The following PTPRG variants were observed in gnomAD, a reference collection of about 807,000 sequenced individuals.
The protein encoded by PTPRG is protein tyrosine phosphatase receptor type G, also known as receptor-type tyrosine-protein phosphatase gamma.
A neutral mutation model predicts 165.3 loss-of-function variants in PTPRG; 102 were observed. The ratio of observed to expected loss-of-function variants is 0.62; its 90% CI spans 0.53 to 0.73. The LOEUF (loss-of-function observed/expected upper bound fraction) is 0.73. Ranked by LOEUF, PTPRG falls within the 30% of genes least tolerant of loss-of-function variation. The pLI is 0.00. For missense variants in PTPRG, 1,866 were observed against 1,861.4 expected (o/e 1.00, Z -0.05); for synonymous variants, 675 against 669.5 (o/e 1.01, Z -0.13).
At chr3:62,292,350 C>T (rs969867341) in intron 28 of PTPRG, 71 bp from the exon 29 acceptor site, 11 of 1,452,702 alleles carry the variant, frequency 7.6e-6, no homozygotes, top group South Asian at 2.6e-5. Flanking sequence ...AAATACATGA[C>T]AGTAATTTCA....
intron 2 of PTPRG, among the ~76,000 whole-genome samples, chr3:61,808,790 C>T (rs1028452539): frequency 7.2e-5 from 11 of 151,892 alleles, no homozygotes; most frequent in Non-Finnish European, 1.5e-4. Context: ...AACCCATCCC[C>T]GTTGTTCAAA....
chr3:62,243,919 A>T, intron 15 of PTPRG, 21 bp downstream of exon 15: 1 of 1,324,896 alleles, frequency 7.5e-7, no homozygotes. Flanking sequence ...CACTGCTCTT[A>T]TTTCCAATGG....
At chr3:62,231,006 A>G (rs1386602616) in intron 13 of PTPRG, among the ~76,000 whole-genome samples, 1 of 152,216 alleles carries the variant, frequency 6.6e-6, no homozygotes, top group Non-Finnish European at 1.5e-5. Context: ...ATGACTTAAA[A>G]GAGTAAAGTT....
At chr3:62,147,864 G>C (rs1202388599) in intron 6 of PTPRG, among the ~76,000 whole-genome samples, 1 of 152,174 alleles carries the variant, frequency 6.6e-6, no homozygotes, top group Admixed American at 6.5e-5. Flanking sequence ...GATGCAGAAA[G>C]TTAATAACAA....
intron 2 of PTPRG, among the ~76,000 whole-genome samples, chr3:61,923,228 CATT>C (rs2039122757): frequency 6.6e-6 from 1 of 152,102 alleles, no homozygotes; most frequent in Non-Finnish European, 1.5e-5. Context: ...CAAAATTAAT[CATT>C]ATTTTGCACG....
chr3:62,099,885 G>A (rs949633329), intron 5 of PTPRG, among the ~76,000 whole-genome samples: 1 of 135,742 alleles, frequency 7.4e-6, no homozygotes, highest in Non-Finnish European at 1.5e-5. Flanking sequence ...CACAGCCTCC[G>A]CCTCCCAGGT....
At chr3:61,993,171 C>T (rs1264002080) in intron 3 of PTPRG, among the ~76,000 whole-genome samples, 1 of 151,176 alleles carries the variant, frequency 6.6e-6, no homozygotes, top group African/African-American at 2.4e-5. Flanking sequence ...TTTTAAGAAA[C>T]CACCTGTCAC....
chr3:61,838,772 A>G lies in PTPRG; in HGVS notation c.190+89790A>G, dbSNP rs1028892043. Among the ~76,000 whole-genome samples, 4 of 152,202 alleles carry G rather than the reference A, an allele frequency of 2.6e-5. No individual in the cohort carries two copies. The East Asian group carries it at 7.7e-4, about 29-fold the overall frequency. ...ACTCTCCCTGAGCTTTTTCTTCTTC[A>G]TTTGCTTTCTCTTGCTAAAACTGTC... On this transcript the variant is annotated intron_variant, in intron 2 of 29. Coordinates refer to ENST00000474889, the MANE Select transcript of PTPRG (RefSeq NM_002841.4).
intron 1 of PTPRG, among the ~76,000 whole-genome samples, chr3:61,678,994 A>T (rs1025485295): frequency 4.6e-5 from 7 of 151,906 alleles, no homozygotes; most frequent in African/African-American, 1.7e-4. Context: ...TTAAGTGACG[A>T]CAGTCATCCT....
At chr3:62,253,273 G>A (rs1228706321) in intron 15 of PTPRG, among the ~76,000 whole-genome samples, 1 of 152,024 alleles carries the variant, frequency 6.6e-6, no homozygotes, top group Non-Finnish European at 1.5e-5. Context: ...AAGTTCTCGG[G>A]AATCTAAAAT....
intron 6 of PTPRG, among the ~76,000 whole-genome samples, chr3:62,155,100 C>T (rs1212193047): frequency 6.6e-6 from 1 of 152,174 alleles, no homozygotes; most frequent in Non-Finnish European, 1.5e-5. Flanking sequence ...GGGGCAATTC[C>T]GTTATTTCTA....
At chr3:61,792,928 C>T (rs1297169296) in intron 2 of PTPRG, among the ~76,000 whole-genome samples, 2 of 152,018 alleles carry the variant, frequency 1.3e-5, no homozygotes, top group African/African-American at 4.8e-5. Context: ...GGGGTTTCAC[C>T]ATGTTGGCCA....
intron 1 of PTPRG, among the ~76,000 whole-genome samples, chr3:61,631,339 C>T (rs1701769989): frequency 6.6e-6 from 1 of 152,292 alleles, no homozygotes; most frequent in South Asian, 2.1e-4. Context: ...CAGTTGCCTG[C>T]ATTCTGAAAA....
chr3:62,137,224 A>G (rs943904153), intron 6 of PTPRG, among the ~76,000 whole-genome samples: 25 of 152,286 alleles, frequency 1.6e-4, no homozygotes, highest in Middle Eastern at 6.8e-3. Flanking sequence ...TGGTTCAGTC[A>G]TTACCAGCAC....
intron 2 of PTPRG, among the ~76,000 whole-genome samples, chr3:61,840,419 G>A (rs910691555): frequency 1.3e-5 from 2 of 152,118 alleles, no homozygotes; most frequent in Admixed American, 6.5e-5. Context: ...TATGATTTGG[G>A]CAAATGCATC....
chr3:62,074,211 G>GTGTGTGTA lies in PTPRG; in HGVS notation c.520-3951_520-3950insGTGTGTAT, dbSNP rs923780031. ...TGTGTGTGTGTGTGTGTGTGTGTGT[G>GTGTGTGTA]TATACAGAGAGAGCGCAAAAGAGGT... is the stretch of plus-strand genomic sequence containing the variant. On this transcript the variant is annotated intron_variant, in intron 4 of 29. Transcript: ENST00000474889. Among the ~76,000 whole-genome samples, 31 of 150,926 alleles carry GTGTGTGTA rather than the reference G, an allele frequency of 2.1e-4. No homozygotes were observed. The East Asian group carries it at 2.5e-3, about 12-fold the overall frequency.
At chr3:61,736,423 T>C (rs1487949203) in intron 1 of PTPRG, among the ~76,000 whole-genome samples, 1 of 151,660 alleles carries the variant, frequency 6.6e-6, no homozygotes, top group African/African-American at 2.4e-5. Context: ...TGAATACTTG[T>C]ATTTGGCTTG....
At chr3:62,265,874 ACG>A (rs1491038504) in intron 17 of PTPRG, among the ~76,000 whole-genome samples, 2 of 96,056 alleles carry the variant, frequency 2.1e-5, no homozygotes, top group East Asian at 3.1e-4. Flanking sequence ...ACACACACAC[ACG>A]TATACATCTG....
chr3:62,039,119 GGGAC>G (rs1373145321), intron 4 of PTPRG, among the ~76,000 whole-genome samples: 2 of 152,090 alleles, frequency 1.3e-5, no homozygotes, highest in Non-Finnish European at 2.9e-5. Flanking sequence ...ATTTTTAGTA[GGGAC>G]GGGGTTTCAC....
Sources: allele counts gnomAD v4.1 joint callset (sites outside exome capture counted in the v4.1 genomes callset), GRCh38; gene constraint gnomAD v4.1.1; transcripts MANE v1.5; gene names NCBI Gene and HGNC (gene_info 2026-07-23, HGNC 2026-07-21).